Variants in PUS7L observed in about 807,000 individuals in gnomAD.
PUS7L encodes pseudouridylate synthase PUS7L.
PUS7L carries 49 observed loss-of-function variants against 51.1 expected under a neutral mutation model. The observed-to-expected ratio is 0.96, with a 90% CI of 0.76 to 1.22. The LOEUF (loss-of-function observed/expected upper bound fraction) is 1.22. Among genes scored for constraint, PUS7L ranks in the 50% most tolerant of loss-of-function variants. The pLI is 0.00. For missense variants in PUS7L, 828 were observed against 820.6 expected, an observed-to-expected ratio of 1.01 and a Z score of -0.11; for synonymous variants, 277 against 276.2, an observed-to-expected ratio of 1.00 and a Z score of -0.03.
chr12:43,753,105 C>A (rs1938534676), intron 2 of PUS7L, among the ~76,000 whole-genome samples: 1 of 152,098 alleles, frequency 6.6e-6, no homozygotes, highest in Non-Finnish European at 1.5e-5. Context: ...AAATCACTCA[C>A]CAGCAATTCC....
intron 3 of PUS7L, among the ~76,000 whole-genome samples, chr12:43,747,566 C>A (rs1216605620): frequency 1.3e-5 from 2 of 151,440 alleles, no homozygotes; most frequent in Non-Finnish European, 2.9e-5. Context: ...TGGTGGTGGG[C>A]GCCTGTAATC....
At chr12:43,746,024 T>A (rs1182822870) in intron 4 of PUS7L, 22 bp downstream of exon 4, 1 of 1,223,322 alleles carries the variant, frequency 8.2e-7, no homozygotes, top group South Asian at 1.4e-5. Context: ...CCTGGATGCC[T>A]TTTAAAATTA....
At chr12:43,751,824 A>C (rs1938464436) in intron 2 of PUS7L, among the ~76,000 whole-genome samples, 1 of 152,190 alleles carries the variant, frequency 6.6e-6, no homozygotes, top group Non-Finnish European at 1.5e-5. Flanking sequence ...ACAGTGTAAA[A>C]GTGTTCCTAT....
chr12:43,752,259 A>C (rs1055495056), intron 2 of PUS7L, among the ~76,000 whole-genome samples: 1 of 152,200 alleles, frequency 6.6e-6, no homozygotes, highest in Non-Finnish European at 1.5e-5. Flanking sequence ...GGCTGTTGGC[A>C]TGAAGCTCTA....
chr12:43,754,909 C>G lies in PUS7L; in HGVS notation c.337G>C (p.Asp113His). The G allele has an allele frequency of 6.2e-7, 1 of 1,613,838 alleles. No individual in the cohort carries two copies. The change falls in exon 2 of 9, where the codon GAT becomes CAT. Residue 113 changes from aspartate to histidine, a missense_variant. Asp to His is a moderately conservative substitution (Grantham distance 81). Transcript: ENST00000344862. ...TTTTCTTCACATTTGGAAGTTCCAT[C>G]AACGATAGTATCTTCCTTTTCTGAA... Reference protein sequence around the residue: ...SGSEKEDTIVDGTSKCEEKAD... With the variant: ...SGSEKEDTIVHGTSKCEEKAD...
chr12:43,753,813 A>T (rs925695453), intron 2 of PUS7L, among the ~76,000 whole-genome samples: 39 of 152,328 alleles, frequency 2.6e-4, no homozygotes, highest in African/African-American at 8.9e-4. Flanking sequence ...TTTGATGATT[A>T]TATGCATGCT....
At chr12:43,751,191 T>C (rs1460603425) in intron 2 of PUS7L, among the ~76,000 whole-genome samples, 1 of 149,368 alleles carries the variant, frequency 6.7e-6, no homozygotes, top group Non-Finnish European at 1.5e-5. Flanking sequence ...TTATTTATTT[T>C]TAATTTATAT....
At chr12:43,747,191 T>A (rs1027520528) in intron 3 of PUS7L, among the ~76,000 whole-genome samples, 1 of 152,148 alleles carries the variant, frequency 6.6e-6, no homozygotes, top group African/African-American at 2.4e-5. Context: ...AAATTATAAG[T>A]TACAGATTTA....
At chr12:43,736,314 G>T in intron 7 of PUS7L, 67 bp downstream of exon 7, 2 of 1,327,250 alleles carry the variant, frequency 1.5e-6, no homozygotes, top group East Asian at 2.3e-5. Flanking sequence ...TATAATCAGG[G>T]CTTTTGAAAA....
chr12:43,736,512 G>A lies in PUS7L; in HGVS notation c.1594C>T (p.His532Tyr). Reference protein sequence around the residue: ...LPHSMRIFYVHAYTSKIWNEA... With the variant: ...LPHSMRIFYVYAYTSKIWNEA... ...TTCCAAATTTTGCTGGTATATGCGT[G>A]AACATAGAATATGCGCATGGAATGG... Residue 532 changes from histidine to tyrosine, a missense_variant, in exon 7 of 9, where the codon CAC (histidine) becomes TAC (tyrosine). Transcript: ENST00000344862. 1 of 1,614,176 alleles carries A rather than the reference G, an allele frequency of 6.2e-7. No individual in the cohort carries two copies.
In PUS7L at chr12:43,746,146, T is replaced by C; in HGVS notation, c.1163A>G (p.Lys388Arg). Residue 388 changes from lysine to arginine, a missense_variant, in exon 4 of 9, where the codon AAA becomes AGA. Transcript: ENST00000344862. ...AATGACAATATCAAAGTGATTTCCTTTGAGCTGACCAAGTCTCAGGGAATC... is the reference window on the plus strand; with the variant it reads ...AATGACAATATCAAAGTGATTTCCTCTGAGCTGACCAAGTCTCAGGGAATC... ...VDDSLRLGQL[K>R]GNHFDIVIRN... 4 of 1,525,180 alleles carry C rather than the reference T, an allele frequency of 2.6e-6. No homozygotes were observed. Among genetic ancestry groups the C allele is most frequent in the Middle Eastern group, 1.7e-4 (1 of 5,796 alleles). The allele number at this position is 1,525,180 out of a possible 1,614,324, so 94.5% of individuals were successfully genotyped here. A position where few individuals can be genotyped will look rare whatever the true frequency, so the allele number is the denominator to read the frequency against.
chr12:43,751,307 C>G (rs771230938), intron 2 of PUS7L, among the ~76,000 whole-genome samples: 1 of 151,816 alleles, frequency 6.6e-6, no homozygotes, highest in Non-Finnish European at 1.5e-5. Flanking sequence ...ATTAACTTGT[C>G]ATTTACATTA....
chr12:43,726,492 T>C lies in PUS7L; in HGVS notation c.*3884A>G, dbSNP rs537953332. On this transcript the variant is annotated 3_prime_UTR_variant, in exon 9 of 9. Coordinates refer to ENST00000344862, the MANE Select transcript of PUS7L (RefSeq NM_031292.5). ...TTCTGGACAAAAGACCTAACAAAGA[T>C]ATCATGACAGACTCCAAAAGCAACT... 1 of 108,836 alleles carries C rather than the reference T, an allele frequency of 9.2e-6. No individual in the cohort carries two copies. The highest frequency in any genetic ancestry group is 3.4e-4 in the South Asian group (1 of 2,962). 6.7% of individuals were successfully genotyped at this position (108,836 alleles called of 1,614,324 possible). A position where few individuals can be genotyped will look rare whatever the true frequency, so the allele number is the denominator to read the frequency against.
rs574684700 is a variant in PUS7L, at chr12:43,725,200, T to C, written c.*5176A>G. 6.6e-6 allele frequency: 1 copy of C among 152,276 alleles called. No homozygotes were observed. Among genetic ancestry groups the C allele is most frequent in the African/African-American group, 2.4e-5 (1 of 41,566 alleles). 9.4% of individuals were successfully genotyped at this position (152,276 alleles called of 1,614,324 possible). A position where few individuals can be genotyped will look rare whatever the true frequency, so the allele number is the denominator to read the frequency against. ...CAGGTACCATCTAAAACACCTCCTATGATCTATAATGATTTTACATATTAT... is the reference window on the plus strand; with the variant it reads ...CAGGTACCATCTAAAACACCTCCTACGATCTATAATGATTTTACATATTAT... On this transcript the variant is annotated 3_prime_UTR_variant, in exon 9 of 9. Transcript: ENST00000344862.
At position 43,754,413 on chromosome 12, in the gene PUS7L, A is replaced by C. The variant is rs147689391; in HGVS notation, c.833T>G (p.Val278Gly). 500 of 1,612,954 alleles carry C rather than the reference A, an allele frequency of 3.1e-4. No homozygotes were observed. The highest frequency in any genetic ancestry group is 4.1e-4 in the Non-Finnish European group (478 of 1,179,602). The change falls in exon 2 of 9, where the codon GTA becomes GGA. Residue 278 changes from valine to glycine, a missense_variant. Transcript: ENST00000344862. ...TTTGTGTGCTTTTTCCCGAAATCTTACTGTTACCACCACATTCGGATTACC... is the reference window on the plus strand; with the variant it reads ...TTTGTGTGCTTTTTCCCGAAATCTTCCTGTTACCACCACATTCGGATTACC... The part of the protein sequence containing the change: ...SAGNPNVVVT[V>G]RFREKAHKRG...
At chr12:43,757,020 T>C (rs942296771) in intron 1 of PUS7L, among the ~76,000 whole-genome samples, 2 of 152,198 alleles carry the variant, frequency 1.3e-5, no homozygotes, top group Admixed American at 1.3e-4. Context: ...CATTACCCAC[T>C]ATACTCCAGC....
In PUS7L at chr12:43,737,152, G is replaced by C. The variant is rs377500607; in HGVS notation, c.1445-491C>G. ...CCTCACAAATGCACTTTGAAATGTA[G>C]ATGACTGGAATCTACCACAAAGATG... On this transcript the variant is annotated intron_variant, in intron 6 of 8. Transcript: ENST00000344862. Among the ~76,000 whole-genome samples the C allele has an allele frequency of 3.4e-3, 512 of 152,284 alleles. 4 individuals are homozygous for C. Among genetic ancestry groups the C allele is most frequent in the African/African-American group, 0.011 (476 of 41,550 alleles).
rs1316148426 is a variant in PUS7L, at chr12:43,722,834, G to A, written c.*7542C>T. On this transcript the variant is annotated 3_prime_UTR_variant, in exon 9 of 9. Transcript: ENST00000344862. ...ACTAGTCTAAGGAAATGCCAGTAAG[G>A]CTTATTAGAAAAGGGAGGCTTGGTA... The A allele has an allele frequency of 1.3e-5, 2 of 152,064 alleles. No homozygotes were observed. Among genetic ancestry groups the A allele is most frequent in the Non-Finnish European group, 2.9e-5 (2 of 67,986 alleles). The allele number at this position is 152,064 out of a possible 1,614,324, so 9.4% of individuals were successfully genotyped here.
intron 2 of PUS7L, among the ~76,000 whole-genome samples, chr12:43,753,338 C>G (rs1162008523): frequency 6.6e-6 from 1 of 152,174 alleles, no homozygotes; most frequent in Non-Finnish European, 1.5e-5. Flanking sequence ...TATTATTCTT[C>G]CCATTTTTAC....
Sources: allele counts gnomAD v4.1 joint callset (sites outside exome capture counted in the v4.1 genomes callset), GRCh38; gene constraint gnomAD v4.1.1; transcripts MANE v1.5; gene names NCBI Gene and HGNC (gene_info 2026-07-23, HGNC 2026-07-21).